The following ZNF223 variants were observed in gnomAD, a reference collection of about 807,000 sequenced individuals.
The protein encoded by ZNF223 is zinc finger protein 223.
A neutral mutation model predicts 12.3 loss-of-function variants in ZNF223; 9 were observed. The ratio of observed to expected loss-of-function variants is 0.73; its 90% CI spans 0.44 to 1.28. ZNF223 has a LOEUF of 1.28. Among genes scored for constraint, ZNF223 ranks in the 50% most tolerant of loss-of-function variants. The probability of loss-of-function intolerance (pLI) is 0.00; values close to 1 mark genes in which losing one functional copy is unlikely to be tolerated. For synonymous variants in ZNF223, 171 were observed against 195.2 expected (o/e 0.88, Z 1.03); for missense variants, 506 against 579.0 (o/e 0.87, Z 1.29).
chr19:44,056,424 C>T (rs1344296760), intron 2 of ZNF223, among the ~76,000 whole-genome samples: 3 of 141,580 alleles, frequency 2.1e-5, no homozygotes, highest in East Asian at 4.4e-4. Flanking sequence ...CCCAGCTACT[C>T]GGCAGGCTGA....
In ZNF223 at chr19:44,060,557, A is replaced by G. The variant is rs780913422; in HGVS notation, c.118A>G (p.Asn40Asp). ...GCTGTATCGAGATGTGATGCTGGAGAACTTCAGGAACCTGCTGTCAGTGGG... is the reference window on the plus strand; with the variant it reads ...GCTGTATCGAGATGTGATGCTGGAGGACTTCAGGAACCTGCTGTCAGTGGG... Reference protein sequence around the residue: ...RKLYRDVMLENFRNLLSVGHQ... With the variant: ...RKLYRDVMLEDFRNLLSVGHQ... Residue 40 changes from asparagine (N) to aspartate (D), a missense_variant, in exon 3 of 5, where the codon AAC becomes GAC. By Grantham distance (23) the Asn-to-Asp change is conservative. Transcript: ENST00000434772. 1 of 1,614,034 alleles carries G rather than the reference A, an allele frequency of 6.2e-7. No individual in the cohort carries two copies. Among genetic ancestry groups the G allele is most frequent in the East Asian group, 2.2e-5 (1 of 44,864 alleles).
chr19:44,053,155 T>G (rs1241846048), intron 1 of ZNF223, among the ~76,000 whole-genome samples: 1 of 151,876 alleles, frequency 6.6e-6, no homozygotes, highest in African/African-American at 2.4e-5. Context: ...TCTCACAAGG[T>G]GGAAATGAGA....
chr19:44,059,797 C>T (rs187781335), intron 2 of ZNF223, among the ~76,000 whole-genome samples: 1 of 152,318 alleles, frequency 6.6e-6, no homozygotes, highest in East Asian at 1.9e-4. Context: ...CTGCTAGTGC[C>T]AGCCACCCAA....
At position 44,066,060 on chromosome 19, in the gene ZNF223, A is replaced by T; in HGVS notation, c.236-4A>T. The T allele has an allele frequency of 1.9e-6, 3 of 1,577,204 alleles. No individual in the cohort carries two copies. The highest frequency in any genetic ancestry group is 2.6e-6 in the Non-Finnish European group (3 of 1,166,578). On this transcript the variant is annotated splice_polypyrimidine_tract_variant and splice_region_variant and intron_variant, in intron 4 of 4. Coordinates refer to ENST00000434772, the MANE Select transcript of ZNF223 (RefSeq NM_013361.6). ...CCTGATCTCTTAATTTTGTATTCTG[A>T]TAGGAGGCAAGATCCAACCTGAGAT... is the stretch of plus-strand genomic sequence containing the variant.
rs767107717 is a variant in ZNF223, at chr19:44,067,303, G to A, written c.*26G>A. On this transcript the variant is annotated 3_prime_UTR_variant, in exon 5 of 5. Coordinates refer to ENST00000434772, the MANE Select transcript of ZNF223 (RefSeq NM_013361.6). ...GTGTTGTACATATTTATGGGGTACAGTGTGATATTTAAATATATGTATATG... is the reference window on the plus strand; with the variant it reads ...GTGTTGTACATATTTATGGGGTACAATGTGATATTTAAATATATGTATATG... 2.7e-5 allele frequency: 43 copies of A among 1,572,248 alleles called. No individual in the cohort carries two copies. The highest frequency in any genetic ancestry group is 3.2e-5 in the Non-Finnish European group (37 of 1,152,120).
intron 1 of ZNF223, among the ~76,000 whole-genome samples, chr19:44,054,477 A>G (rs1284156640): frequency 6.6e-6 from 1 of 152,126 alleles, no homozygotes; most frequent in Non-Finnish European, 1.5e-5. Flanking sequence ...AACTATAAAT[A>G]TTCTATCAAT....
chr19:44,056,625 T>C (rs1277389956), intron 2 of ZNF223, among the ~76,000 whole-genome samples: 23 of 124,260 alleles, frequency 1.9e-4, no homozygotes, highest in African/African-American at 6.7e-4. Flanking sequence ...ATAGAGTCTC[T>C]CTCTGTTGCC....
intron 4 of ZNF223, among the ~76,000 whole-genome samples, chr19:44,061,357 G>GA (rs1976836836): frequency 1.3e-5 from 2 of 152,286 alleles, no homozygotes; most frequent in South Asian, 2.1e-4. Context: ...ATCTCACTGG[G>GA]AAAAAATCAA....
chr19:44,065,997 T>G (rs1234193027), intron 4 of ZNF223, 67 bp from the exon 5 acceptor site: 8 of 1,517,756 alleles, frequency 5.3e-6, no homozygotes, highest in Non-Finnish European at 7.0e-6. Context: ...ATGTCCTAAG[T>G]GTGAACTCTT....
rs1452813373 is a variant in ZNF223 at position 44,060,363 on chromosome 19, C to T, written c.16-92C>T. On this transcript the variant is annotated intron_variant, in intron 2 of 4. Transcript: ENST00000434772. Reference sequence around the variant, plus strand: ...CTACATCTCTGAAGATCCTGAAAAACTTTCCATTTTTCCTCTTGGCCTCCT... The same window carrying T: ...CTACATCTCTGAAGATCCTGAAAAATTTTCCATTTTTCCTCTTGGCCTCCT... 2.6e-6 allele frequency: 4 copies of T among 1,551,660 alleles called. No homozygotes were observed. In the Admixed American group the frequency reaches 7.9e-5, roughly 31 times the overall value.
chr19:44,060,234 C>A, intron 2 of ZNF223: 1 of 744,864 alleles, frequency 1.3e-6, no homozygotes, highest in Non-Finnish European at 2.1e-6. Flanking sequence ...CTAAATAAGA[C>A]CACAAGACTT....
Position 44,055,144 on chromosome 19 carries a change from G to T in ZNF223, c.-33G>T. The stretch of plus-strand genomic sequence containing the variant: ...GCTTTCCCTGGAACTGTGTCATTCA[G>T]GACTCTGCAAATTCCCTAAAGTAGG... On this transcript the variant is annotated 5_prime_UTR_variant, in exon 2 of 5. The change creates a new upstream start codon in the 5' untranslated region. Coordinates refer to ENST00000434772, the MANE Select transcript of ZNF223 (RefSeq NM_013361.6). 2 of 1,612,278 alleles carry T rather than the reference G, an allele frequency of 1.2e-6. No homozygotes were observed. Among genetic ancestry groups the T allele is most frequent in the Non-Finnish European group, 1.7e-6 (2 of 1,178,744 alleles).
rs4433920 is a variant in ZNF223 at position 44,067,001 on chromosome 19, T to C, written c.1173T>C (p.His391=). 1,030,352 of 1,613,738 alleles carry C rather than the reference T, an allele frequency of 0.64. 341,974 individuals carry two copies. The highest frequency in any genetic ancestry group is 0.69 in the Non-Finnish European group (815,543 of 1,179,926). ...YITKSGLDLH[H]RAHTGERPYN... is the part of the protein sequence containing the mutation. ...CTAAGTCAGGTCTTGACTTGCACCATAGAGCCCACACAGGAGAGAGACCTT... is the reference window on the plus strand; with the variant it reads ...CTAAGTCAGGTCTTGACTTGCACCACAGAGCCCACACAGGAGAGAGACCTT... The change falls in exon 5 of 5, where the codon CAT becomes CAC. Residue 391 remains histidine (H), a synonymous_variant. Transcript: ENST00000434772.
In ZNF223 at chr19:44,067,288, T is replaced by C; in HGVS notation, c.*11T>C. On this transcript the variant is annotated 3_prime_UTR_variant, in exon 5 of 5. Coordinates refer to ENST00000434772, the MANE Select transcript of ZNF223 (RefSeq NM_013361.6). ...TTAAATGACACGTAAGTGTTGTACATATTTATGGGGTACAGTGTGATATTT... is the reference window on the plus strand; with the variant it reads ...TTAAATGACACGTAAGTGTTGTACACATTTATGGGGTACAGTGTGATATTT... 2 of 1,597,304 alleles carry C rather than the reference T, an allele frequency of 1.3e-6. No homozygotes were observed. The highest frequency in any genetic ancestry group is 1.7e-6 in the Non-Finnish European group (2 of 1,168,914).
At chr19:44,053,191 A>T (rs543216274) in intron 1 of ZNF223, among the ~76,000 whole-genome samples, 1 of 152,306 alleles carries the variant, frequency 6.6e-6, no homozygotes, top group South Asian at 2.1e-4. Flanking sequence ...TAAGACACAG[A>T]CACAAAGTAT....
At position 44,060,532 on chromosome 19, in the gene ZNF223, G is replaced by A; in HGVS notation, c.93G>A (p.Lys31=). The A allele has an allele frequency of 6.2e-7, 1 of 1,614,156 alleles. No homozygotes were observed. Among genetic ancestry groups the A allele is most frequent in the Non-Finnish European group, 8.5e-7 (1 of 1,180,016 alleles). ...GGCTGCTGGACCTTGCCCAGAGGAA[G>A]CTGTATCGAGATGTGATGCTGGAGA... ...ELGLLDLAQR[K]LYRDVMLENF... is the part of the protein sequence containing the mutation. Residue 31 remains lysine, a synonymous_variant, in exon 3 of 5, where the codon AAG becomes AAA. Coordinates refer to ENST00000434772, the MANE Select transcript of ZNF223 (RefSeq NM_013361.6).
Position 44,067,176 on chromosome 19 carries a change from C to T in ZNF223, c.1348C>T (p.His450Tyr). The T allele has an allele frequency of 6.2e-7, 1 of 1,612,494 alleles. No individual in the cohort carries two copies. Among genetic ancestry groups the T allele is most frequent in the South Asian group, 1.1e-5 (1 of 90,530 alleles). Residue 450 changes from histidine (H) to tyrosine (Y), a missense_variant, in exon 5 of 5, where the codon CAC becomes TAC. His to Tyr is a moderately conservative substitution (Grantham distance 83, BLOSUM62 2). Coordinates refer to ENST00000434772, the MANE Select transcript of ZNF223 (RefSeq NM_013361.6). ...RSYRKDQQKN[H>Y]SGENPSKCED... Reference sequence around the variant, plus strand: ...ATACCGTAAAGACCAACAAAAAAACCACAGTGGAGAAAATCCATCCAAATG... The same window carrying T: ...ATACCGTAAAGACCAACAAAAAAACTACAGTGGAGAAAATCCATCCAAATG...
chr19:44,066,361 G>A lies in ZNF223; in HGVS notation c.533G>A (p.Cys178Tyr). 6.2e-7 allele frequency: 1 copy of A among 1,614,208 alleles called. No homozygotes were observed. The highest frequency in any genetic ancestry group is 8.5e-7 in the Non-Finnish European group (1 of 1,180,044). Residue 178 changes from cysteine (C) to tyrosine (Y), a missense_variant, in exon 5 of 5, where the codon TGT becomes TAT. Cys to Tyr is a radical substitution (Grantham distance 194). Coordinates refer to ENST00000434772, the MANE Select transcript of ZNF223 (RefSeq NM_013361.6). ...CGCTCAGCAGAGAAGTCTCATTCCT[G>A]TGATGAGTGTGGAAAAAGCTTCTGT... The part of the protein sequence containing the change: ...QIRSAEKSHS[C>Y]DECGKSFCYI...
At chr19:44,065,084 C>T (rs1246573237) in intron 4 of ZNF223, among the ~76,000 whole-genome samples, 2 of 152,134 alleles carry the variant, frequency 1.3e-5, no homozygotes, top group East Asian at 3.9e-4. Context: ...TTCCCATCCC[C>T]CAAAGCTGTG....
Sources: gnomAD v4.1 joint callset for allele counts (sites outside exome capture counted in the v4.1 genomes callset) on GRCh38, gnomAD v4.1.1 for gene constraint, MANE v1.5 for transcripts, NCBI Gene and HGNC (gene_info 2026-07-23, HGNC 2026-07-21) for gene names.